The following SPOP variants were observed in gnomAD, a reference collection of about 807,000 sequenced individuals.
The protein encoded by SPOP is speckle-type POZ protein.
A neutral mutation model predicts 45.6 loss-of-function variants in SPOP; 11 were observed. That is an observed-to-expected ratio of 0.24 (90% confidence interval 0.15 to 0.40). The LOEUF is 0.40. SPOP is among the 10% of genes least tolerant of loss of function. SPOP has a pLI of 1.00. For missense variants in SPOP, 152 were observed against 465.6 expected (o/e 0.33, Z 6.20); for synonymous variants, 166 against 166.3 (o/e 1.00, Z 0.01).
intron 1 of SPOP, among the ~76,000 whole-genome samples, chr17:49,664,803 A>C (rs1423026373): frequency 6.6e-6 from 1 of 152,168 alleles, no homozygotes; most frequent in Non-Finnish European, 1.5e-5. Context: ...CATGGAGACT[A>C]AAGCCTATTT....
intron 1 of SPOP, among the ~76,000 whole-genome samples, chr17:49,645,603 C>T (rs2072742523): frequency 6.6e-6 from 1 of 151,958 alleles, no homozygotes; most frequent in Admixed American, 6.6e-5. Context: ...CCAGAAAGCA[C>T]ATCTTAAATA....
chr17:49,650,638 G>A (rs1459925935), intron 1 of SPOP, among the ~76,000 whole-genome samples: 1 of 152,116 alleles, frequency 6.6e-6, no homozygotes, highest in Non-Finnish European at 1.5e-5. Context: ...AGAGATATGA[G>A]TATTTTTGGA....
intron 1 of SPOP, among the ~76,000 whole-genome samples, chr17:49,627,679 T>A (rs2072364232): frequency 1.3e-5 from 2 of 152,246 alleles, no homozygotes; most frequent in Admixed American, 1.3e-4. Flanking sequence ...AATAACTGGT[T>A]TATTTTAATG....
At chr17:49,609,077 T>G (rs1029323996) in intron 6 of SPOP, among the ~76,000 whole-genome samples, 7 of 152,016 alleles carry the variant, frequency 4.6e-5, no homozygotes, top group Admixed American at 1.3e-4. Flanking sequence ...CCTGGCTAAT[T>G]TTTGTATTTT....
intron 5 of SPOP, 147 bp downstream of exon 5, chr17:49,618,834 G>C: frequency 9.9e-7 from 1 of 1,010,134 alleles, no homozygotes. Flanking sequence ...TCATCAGGTA[G>C]CTCAATCAGT....
intron 1 of SPOP, among the ~76,000 whole-genome samples, chr17:49,626,492 C>T (rs905989359): frequency 3.3e-5 from 5 of 151,978 alleles, no homozygotes; most frequent in Non-Finnish European, 7.4e-5. Context: ...GTCAGGAGTT[C>T]GAGATCAGCC....
chr17:49,618,522 C>G (rs770930821), intron 5 of SPOP: 3 of 455,792 alleles, frequency 6.6e-6, no homozygotes, highest in South Asian at 4.7e-5. Context: ...TTCACAATTA[C>G]TCCAGCAAGA....
chr17:49,619,123 A>C lies in SPOP; in HGVS notation c.353-15T>G. The C allele has an allele frequency of 2.5e-6, 4 of 1,613,408 alleles. No homozygotes were observed. Among genetic ancestry groups the C allele is most frequent in the Non-Finnish European group, 3.4e-6 (4 of 1,179,752 alleles). On this transcript the variant is annotated splice_polypyrimidine_tract_variant and intron_variant, in intron 4 of 9. Transcript: ENST00000504102. This position sits in a 1 kb window ranked among gnomAD's most constrained non-coding sequence, Gnocchi z 4.9. Reference sequence around the variant, plus strand: ...CCGTTGACTCTCTGGGGTGGGGAAAAAAAAAGTCATATTTAAGGTTACGCA... The same window carrying C: ...CCGTTGACTCTCTGGGGTGGGGAAACAAAAAGTCATATTTAAGGTTACGCA...
intron 6 of SPOP, among the ~76,000 whole-genome samples, chr17:49,610,939 A>C (rs1464590270): frequency 1.3e-5 from 2 of 152,152 alleles, no homozygotes; most frequent in Non-Finnish European, 2.9e-5. Context: ...AATCCTCTCC[A>C]TTACATCCTA....
chr17:49,627,816 C>T (rs1254278383), intron 1 of SPOP, among the ~76,000 whole-genome samples: 1 of 152,066 alleles, frequency 6.6e-6, no homozygotes, highest in Non-Finnish European at 1.5e-5. Context: ...CATCTTTTCC[C>T]TTCTTCTAAT....
chr17:49,668,458 G>A (rs1028623965), intron 1 of SPOP, among the ~76,000 whole-genome samples: 2 of 151,996 alleles, frequency 1.3e-5, no homozygotes, highest in Non-Finnish European at 2.9e-5. Flanking sequence ...GGTATTGACT[G>A]GAGTATATAG....
rs529565214 is a variant in SPOP, at chr17:49,675,136, C to T, written c.-67+2797G>A. 8.5e-5 allele frequency among the ~76,000 whole-genome samples: 13 copies of T among 152,280 alleles called. 1 individual carries two copies. The South Asian group carries it at 1.2e-3, about 15-fold the overall frequency. ...TACAAATGCACATCCATTGATCCAGCGCTTCCACTAGGAATTTAAACCAAC... is the reference window on the plus strand; with the variant it reads ...TACAAATGCACATCCATTGATCCAGTGCTTCCACTAGGAATTTAAACCAAC... On this transcript the variant is annotated intron_variant, in intron 1 of 9. Transcript: ENST00000504102.
Position 49,619,979 on chromosome 17 carries a change from T to C in SPOP, c.201-594A>G, listed in dbSNP as rs1010055769. On this transcript the variant is annotated intron_variant, in intron 3 of 9. Transcript: ENST00000504102. The surrounding 1 kb of genome is among the most constrained non-coding windows in gnomAD (Gnocchi z 4.9). ...TTCGAGGCCAGCCTGGCCAACGTGG[T>C]GAAACCCCGTCTCTACTAAAAATAA... 2.0e-5 allele frequency among the ~76,000 whole-genome samples: 3 copies of C among 151,662 alleles called. No homozygotes were observed. Among genetic ancestry groups the C allele is most frequent in the African/African-American group, 7.3e-5 (3 of 41,230 alleles).
rs2072162818 is a variant in SPOP, at chr17:49,619,240, C to T, written c.346G>A (p.Ala116Thr). 1 of 1,614,174 alleles carries T rather than the reference C, an allele frequency of 6.2e-7. No homozygotes were observed. ...ILNAKGEETK[A>T]MESQRAYRFV... The stretch of plus-strand genomic sequence containing the variant: ...CAAAGAGGAGAACATTTACCCATAG[C>T]TTTGGTTTCTTCTCCCTTGGCATTC... The change falls in exon 4 of 10, where the codon GCT becomes ACT. Residue 116 changes from alanine to threonine, a missense_variant. Physicochemically the swap from Ala to Thr is moderately conservative, Grantham distance 58. Around this residue, in one of 3 missense-constraint regions of SPOP, gnomAD observed 28 missense variants for 176.8 expected, o/e 0.16. Coordinates refer to ENST00000504102, the MANE Select transcript of SPOP (RefSeq NM_001007228.2). The surrounding 1 kb of genome is among the most constrained non-coding windows in gnomAD (Gnocchi z 4.9).
chr17:49,606,495 CTTTTTTTTTTTTTT>C (rs71146920), intron 8 of SPOP, among the ~76,000 whole-genome samples: 2 of 69,336 alleles, frequency 2.9e-5, no homozygotes, highest in African/African-American at 6.1e-5. Flanking sequence ...TTTCTTTTTT[CTTTTTTTTTTTTTT>C]TTTTTTGGAG....
At chr17:49,661,509 C>T (rs2072987293) in intron 1 of SPOP, among the ~76,000 whole-genome samples, 1 of 152,168 alleles carries the variant, frequency 6.6e-6, no homozygotes, top group Non-Finnish European at 1.5e-5. Flanking sequence ...CAAAGGTAAC[C>T]TTCACGAAGA....
At chr17:49,624,283 T>A (rs2072277467) in intron 1 of SPOP, among the ~76,000 whole-genome samples, 1 of 151,932 alleles carries the variant, frequency 6.6e-6, no homozygotes, top group South Asian at 2.1e-4. Flanking sequence ...GAAGAGATTT[T>A]AGGTGCTTTT....
In SPOP at chr17:49,600,359, TC is replaced by T. The variant is rs2071717784; in HGVS notation, c.*18del. 1 of 1,613,046 alleles carries T rather than the reference TC, an allele frequency of 6.2e-7. No individual in the cohort carries two copies. The highest frequency in any genetic ancestry group is 8.5e-7 in the Non-Finnish European group (1 of 1,179,728). On this transcript the variant is annotated 3_prime_UTR_variant, in exon 10 of 10. Coordinates refer to ENST00000504102, the MANE Select transcript of SPOP (RefSeq NM_001007228.2). The surrounding 1 kb of genome is among the most constrained non-coding windows in gnomAD (Gnocchi z 4.2). The stretch of plus-strand genomic sequence containing the variant: ...TGCTGCTTCTGGAAATTAAACGGAG[TC>T]TTACAACAAGCAGGATCTTAGGATT...
At chr17:49,602,089 C>T in intron 8 of SPOP, 82 bp from the exon 9 acceptor site, 1 of 1,505,012 alleles carries the variant, frequency 6.6e-7, no homozygotes, top group Non-Finnish European at 9.1e-7. Context: ...TTTAGCTGTA[C>T]CATCATATTA....
Sources: gnomAD v4.1 joint callset for allele counts (sites outside exome capture counted in the v4.1 genomes callset) on GRCh38, gnomAD v4.1.1 for gene constraint, gnomAD v4.1.1 regional missense constraint, Gnocchi (gnomAD v3.1) non-coding constraint, MANE v1.5 for transcripts, NCBI Gene and HGNC (gene_info 2026-07-23, HGNC 2026-07-21) for gene names.